Variants in SS18 observed in about 807,000 individuals in gnomAD.
SS18 encodes protein SSXT.
Under a neutral mutation model 72.5 loss-of-function variants are expected in SS18, and 28 were observed. The observed-to-expected ratio is 0.39, with a 90% CI of 0.29 to 0.53. The LOEUF (loss-of-function observed/expected upper bound fraction) is 0.53. SS18 is among the 20% of genes least tolerant of loss of function. SS18 has a pLI of 0.76. For missense variants in SS18, 518 were observed against 535.3 expected (o/e 0.97, Z 0.32); for synonymous variants, 172 against 164.2 (o/e 1.05, Z -0.37).
chr18:26,060,821 T>C (rs1204081735), intron 3 of SS18, among the ~76,000 whole-genome samples: 1 of 126,988 alleles, frequency 7.9e-6, no homozygotes, highest in African/African-American at 2.8e-5. Context: ...CCAGGCGCAG[T>C]GGCACGTGCC....
At chr18:26,037,348 T>TA (rs2053643207) in intron 7 of SS18, among the ~76,000 whole-genome samples, 1 of 152,000 alleles carries the variant, frequency 6.6e-6, no homozygotes, top group African/African-American at 2.4e-5. Context: ...TAATTAAAAA[T>TA]TAAAAAATAG....
At position 26,050,966 on chromosome 18, in the gene SS18, T is replaced by C. The variant is rs189699000; in HGVS notation, c.607+1658A>G. The stretch of plus-strand genomic sequence containing the variant: ...AATTTCCTCAATGATTTTAACCATA[T>C]TTTCTTTTTGAAAATTGTCTTTAAT... On this transcript the variant is annotated intron_variant, in intron 5 of 10. Coordinates refer to ENST00000415083, the MANE Select transcript of SS18 (RefSeq NM_001007559.3). 2.0e-3 allele frequency among the ~76,000 whole-genome samples: 300 copies of C among 152,240 alleles called. 1 individual carries two copies. The highest frequency in any genetic ancestry group is 7.1e-3 in the African/African-American group (295 of 41,544).
chr18:26,071,976 G>A (rs1303793070), intron 3 of SS18, among the ~76,000 whole-genome samples: 1 of 152,044 alleles, frequency 6.6e-6, no homozygotes, highest in Non-Finnish European at 1.5e-5. Context: ...AAAAAAAAGT[G>A]ATCTAAGCTA....
chr18:26,045,665 A>G (rs1441541747), intron 5 of SS18, among the ~76,000 whole-genome samples: 1 of 152,148 alleles, frequency 6.6e-6, no homozygotes, highest in Non-Finnish European at 1.5e-5. Context: ...AAGTGTCTAT[A>G]AAACCTTATA....
intron 5 of SS18, among the ~76,000 whole-genome samples, chr18:26,042,344 G>A (rs765517921): frequency 9.2e-5 from 14 of 152,048 alleles, no homozygotes; most frequent in Non-Finnish European, 7.4e-5. Flanking sequence ...AAACAATTTT[G>A]ATGTTAAGAC....
At chr18:26,065,929 T>C (rs2144072939) in intron 3 of SS18, among the ~76,000 whole-genome samples, 1 of 150,904 alleles carries the variant, frequency 6.6e-6, no homozygotes, top group South Asian at 2.1e-4. Flanking sequence ...GGGATAAACA[T>C]TGTTATCTTG....
At chr18:26,090,412 C>A in intron 1 of SS18, 89 bp downstream of exon 1, 5 of 1,352,096 alleles carry the variant, frequency 3.7e-6, no homozygotes, top group South Asian at 1.3e-5. Flanking sequence ...CGCCTCGGCC[C>A]GGTCGACTCC....
chr18:26,041,797 A>C (rs2053731773), intron 5 of SS18, among the ~76,000 whole-genome samples: 1 of 152,208 alleles, frequency 6.6e-6, no homozygotes, highest in East Asian at 1.9e-4. Context: ...CCTTGCTCTA[A>C]AGGAAAGCAA....
chr18:26,073,686 G>A (rs868567191), intron 3 of SS18, among the ~76,000 whole-genome samples: 2 of 152,172 alleles, frequency 1.3e-5, no homozygotes, highest in Admixed American at 6.5e-5. Context: ...AGTTAAAAAT[G>A]TGCTTGATGA....
In SS18 at chr18:26,067,905, G is replaced by A. The variant is rs567848831; in HGVS notation, c.232-10163C>T. Reference sequence around the variant, plus strand: ...GGAGGGGCAGGCGAGGGATGATTTCGGGATAAAACTGTTCCACCTCAGATC... The same window carrying A: ...GGAGGGGCAGGCGAGGGATGATTTCAGGATAAAACTGTTCCACCTCAGATC... On this transcript the variant is annotated intron_variant, in intron 3 of 10. Coordinates refer to ENST00000415083, the MANE Select transcript of SS18 (RefSeq NM_001007559.3). 7.9e-5 allele frequency among the ~76,000 whole-genome samples: 12 copies of A among 152,212 alleles called. No homozygotes were observed. The East Asian group carries it at 9.7e-4, about 12-fold the overall frequency.
intron 5 of SS18, among the ~76,000 whole-genome samples, chr18:26,047,259 CAAAAAAA>C (rs71169806): frequency 0.027 from 2,046 of 75,778 alleles, 57 homozygotes; most frequent in African/African-American, 0.081. Flanking sequence ...AGTAATATGC[CAAAAAAA>C]AAAAAAAAAA....
At chr18:26,026,837 CAACT>C (rs1264848605) in intron 10 of SS18, among the ~76,000 whole-genome samples, 5 of 151,808 alleles carry the variant, frequency 3.3e-5, no homozygotes, top group Admixed American at 2.6e-4. Context: ...TATATACTAG[CAACT>C]AATAACTGGA....
At chr18:26,046,078 T>C (rs1015875098) in intron 5 of SS18, among the ~76,000 whole-genome samples, 1 of 151,074 alleles carries the variant, frequency 6.6e-6, no homozygotes, top group Admixed American at 6.6e-5. Context: ...TCCCAGCTAC[T>C]CGGGAAGCTG....
intron 2 of SS18, among the ~76,000 whole-genome samples, chr18:26,081,833 G>A (rs954508741): frequency 6.6e-6 from 1 of 152,192 alleles, no homozygotes; most frequent in Non-Finnish European, 1.5e-5. Flanking sequence ...TGAGGCAGGA[G>A]GATCGCTTAA....
rs1277245228 is a variant in SS18 at position 26,090,525 on chromosome 18, C to G, written c.45G>C (p.Glu15Asp). The G allele has an allele frequency of 6.3e-7, 1 of 1,586,058 alleles. No homozygotes were observed. The highest frequency in any genetic ancestry group is 8.6e-7 in the Non-Finnish European group (1 of 1,166,908). ...FAAPRQRGKG[E>D]ITPAAIQKML... ...CCTTCTGAATCGCAGCGGGAGTGAT[C>G]TCCCCCTTGCCTCGCTGCCTCGGGG... is the stretch of plus-strand genomic sequence containing the variant. The change falls in exon 1 of 11, where the codon GAG becomes GAC. Residue 15 changes from glutamate to aspartate, a missense_variant. Glu to Asp is a conservative substitution (Grantham distance 45, BLOSUM62 2). Transcript: ENST00000415083.
At chr18:26,085,181 A>C (rs1200106088) in intron 2 of SS18, among the ~76,000 whole-genome samples, 1 of 152,218 alleles carries the variant, frequency 6.6e-6, no homozygotes, top group Non-Finnish European at 1.5e-5. Flanking sequence ...ATTTCAAAAC[A>C]AAAAGGCTTT....
At chr18:26,084,528 T>C (rs2054583754) in intron 2 of SS18, among the ~76,000 whole-genome samples, 1 of 152,114 alleles carries the variant, frequency 6.6e-6, no homozygotes, top group Non-Finnish European at 1.5e-5. Context: ...CATAAAGTTA[T>C]GATACCACCT....
intron 10 of SS18, among the ~76,000 whole-genome samples, chr18:26,027,377 G>C (rs1056577475): frequency 2.0e-5 from 3 of 151,906 alleles, no homozygotes; most frequent in Admixed American, 6.6e-5. Flanking sequence ...GGCTGGGCAC[G>C]GTGGCTCACG....
In SS18 at chr18:26,057,631, G is replaced by A; in HGVS notation, c.343C>T (p.Pro115Ser). The A allele has an allele frequency of 1.2e-6, 2 of 1,614,122 alleles. No homozygotes were observed. Among genetic ancestry groups the A allele is most frequent in the Non-Finnish European group, 1.7e-6 (2 of 1,180,020 alleles). Reference sequence around the variant, plus strand: ...ATCTGGTTCTGCATGTGCGGTGCAGGAGGACCCCCACCTACCATTCCATCT... The same window carrying A: ...ATCTGGTTCTGCATGTGCGGTGCAGAAGGACCCCCACCTACCATTCCATCT... ...PSDGMVGGGP[P>S]APHMQNQMNG... Residue 115 changes from proline to serine, a missense_variant, in exon 4 of 11, where the codon CCT becomes TCT. By Grantham distance (74) the Pro-to-Ser change is moderately conservative. Transcript: ENST00000415083.
Sources: gnomAD v4.1 joint callset for allele counts (sites outside exome capture counted in the v4.1 genomes callset) on GRCh38, gnomAD v4.1.1 for gene constraint, MANE v1.5 for transcripts, NCBI Gene and HGNC (gene_info 2026-07-23, HGNC 2026-07-21) for gene names.